The following SETDB1 variants were observed in gnomAD, a reference collection of about 807,000 sequenced individuals.
SETDB1 encodes histone-lysine N-methyltransferase SETDB1.
SETDB1 carries 31 observed loss-of-function variants against 137.4 expected under a neutral mutation model. The ratio of observed to expected loss-of-function variants is 0.23; its 90% CI spans 0.17 to 0.30. SETDB1 has a LOEUF of 0.30. SETDB1 is among the 10% of genes least tolerant of loss of function. SETDB1 has a pLI of 1.00. For missense variants in SETDB1, 1,113 were observed against 1,631.5 expected (o/e 0.68, Z 5.47); for synonymous variants, 548 against 579.9 (o/e 0.95, Z 0.79).
chr1:150,929,120 T>G (rs587759884), intron 2 of SETDB1, among the ~76,000 whole-genome samples: 149 of 152,276 alleles, frequency 9.8e-4, no homozygotes, highest in African/African-American at 3.4e-3. Flanking sequence ...GTAATGGGAT[T>G]GCTGGGTCAA....
rs1230275124 is a variant in SETDB1 at position 150,949,444 on chromosome 1, G to T, written c.1502G>T (p.Gly501Val). ...KSTSFRPGSV[G>V]SGHSSPTSPA... Reference sequence around the variant, plus strand: ...ACGTCCTTTCGACCAGGATCTGTGGGCTCTGGTCATTCCTCCCCTACATCT... The same window carrying T: ...ACGTCCTTTCGACCAGGATCTGTGGTCTCTGGTCATTCCTCCCCTACATCT... Residue 501 changes from glycine (G) to valine (V), a missense_variant, in exon 12 of 22, where the codon GGC (glycine) becomes GTC (valine). Gly to Val is a moderately radical substitution (Grantham distance 109, BLOSUM62 -3). This residue lies in a region of SETDB1 where 192 missense variants were observed against 198.1 expected (regional missense o/e 0.97). Transcript: ENST00000692827. 1.9e-6 allele frequency: 3 copies of T among 1,614,066 alleles called. No individual in the cohort carries two copies. The highest frequency in any genetic ancestry group is 2.5e-6 in the Non-Finnish European group (3 of 1,179,948).
intron 14 of SETDB1, among the ~76,000 whole-genome samples, chr1:150,958,736 T>C (rs1418264448): frequency 6.6e-6 from 1 of 152,082 alleles, no homozygotes; most frequent in Non-Finnish European, 1.5e-5. Flanking sequence ...ATTTTTATTA[T>C]TATTATTATT....
Position 150,931,621 on chromosome 1 carries a change from TTAAAAAA to T in SETDB1, c.412+1518_412+1524del, listed in dbSNP as rs587699708. Among the ~76,000 whole-genome samples the T allele has an allele frequency of 4.2e-3, 498 of 117,220 alleles. 4 individuals carry two copies. Among genetic ancestry groups the T allele is most frequent in the Admixed American group, 9.1e-3 (96 of 10,520 alleles). The allele number at this position is 117,220 out of a possible 152,430, so 76.9% of individuals were successfully genotyped here. On this transcript the variant is annotated intron_variant, in intron 3 of 21. Coordinates refer to ENST00000692827, the MANE Select transcript of SETDB1 (RefSeq NM_001366418.1). ...AAACTTAAAGTATAATAAAAAAAAA[TTAAAAAA>T]TAAAAAATAAAAAAAATAAAGATAA...
intron 3 of SETDB1, among the ~76,000 whole-genome samples, chr1:150,930,929 T>C (rs943558621): frequency 3.3e-5 from 5 of 152,102 alleles, no homozygotes; most frequent in Admixed American, 1.3e-4. Flanking sequence ...TCTTTTCTTA[T>C]TGTACTCACT....
Position 150,950,562 on chromosome 1 carries a change from C to T in SETDB1, c.1688C>T (p.Pro563Leu). The change falls in exon 13 of 22, where the codon CCC (proline) becomes CTC (leucine). Residue 563 changes from proline (P) to leucine (L), a missense_variant. Transcript: ENST00000692827. ...ATGCTGGAGCGGGCCCCAGCAGAGCCCTCCTACCGTGCTCCCATGGAGAAG... is the reference window on the plus strand; with the variant it reads ...ATGCTGGAGCGGGCCCCAGCAGAGCTCTCCTACCGTGCTCCCATGGAGAAG... The part of the protein sequence containing the change: ...HGMLERAPAE[P>L]SYRAPMEKLF... The T allele has an allele frequency of 6.2e-7, 1 of 1,614,158 alleles. No homozygotes were observed. Among genetic ancestry groups the T allele is most frequent in the Non-Finnish European group, 8.5e-7 (1 of 1,180,036 alleles).
At position 150,963,605 on chromosome 1, in the gene SETDB1, A is replaced by T; in HGVS notation, c.3536A>T (p.Lys1179Ile). ...ALKSTHGIAI[K>I]STNMASVDKG... Reference sequence around the variant, plus strand: ...AAATCAACCCATGGGATTGCAATTAAATCAACCAACATGGCCTCTGTGGAC... The same window carrying T: ...AAATCAACCCATGGGATTGCAATTATATCAACCAACATGGCCTCTGTGGAC... Residue 1179 changes from lysine (K) to isoleucine (I), a missense_variant, in exon 20 of 22, where the codon AAA becomes ATA. This residue lies in a region of SETDB1 where 373 missense variants were observed against 412.7 expected (regional missense o/e 0.90). Coordinates refer to ENST00000692827, the MANE Select transcript of SETDB1 (RefSeq NM_001366418.1). 6.2e-7 allele frequency: 1 copy of T among 1,614,212 alleles called. No homozygotes were observed. The highest frequency in any genetic ancestry group is 8.5e-7 in the Non-Finnish European group (1 of 1,180,038).
Position 150,942,958 on chromosome 1 carries a change from G to C in SETDB1, c.780G>C (p.Val260=), listed in dbSNP as rs1305038818. 6.2e-7 allele frequency: 1 copy of C among 1,613,718 alleles called. No individual in the cohort carries two copies. Among genetic ancestry groups the C allele is most frequent in the Non-Finnish European group, 8.5e-7 (1 of 1,179,732 alleles). The change falls in exon 7 of 22, where the codon GTG becomes GTC. Residue 260 remains valine (V), a synonymous_variant. Transcript: ENST00000692827. ...DYHPPADKLY[V]GSRVVAKYKD... ...ACCCTCCTGCTGACAAGCTGTATGT[G>C]GGCAGTCGGGTGGTCGCCAAATACA...
intron 8 of SETDB1, 34 bp from the exon 9 acceptor site, chr1:150,944,884 C>G: frequency 6.2e-7 from 1 of 1,611,194 alleles, no homozygotes; most frequent in Non-Finnish European, 8.5e-7. Flanking sequence ...CATGCCCTAC[C>G]TGCCCTCTCA....
At position 150,950,523 on chromosome 1, in the gene SETDB1, C is replaced by T; in HGVS notation, c.1649C>T (p.Pro550Leu). The T allele has an allele frequency of 6.2e-7, 1 of 1,613,884 alleles. No individual in the cohort carries two copies. The highest frequency in any genetic ancestry group is 1.1e-5 in the South Asian group (1 of 91,052). The change falls in exon 13 of 22, where the codon CCA (proline) becomes CTA (leucine). Residue 550 changes from proline (P) to leucine (L), a missense_variant. Physicochemically the swap from Pro to Leu is moderately conservative, Grantham distance 98. Around this residue, in one of 11 missense-constraint regions of SETDB1, gnomAD observed 192 missense variants for 198.1 expected, o/e 0.97. Transcript: ENST00000692827. ...GCACTCCCGGCCCCTCCAGCACCCC[C>T]AGTCTTCCATGGCATGCTGGAGCGG... ...PSALPAPPAP[P>L]VFHGMLERAP...
chr1:150,940,484 G>A (rs1670101228), intron 4 of SETDB1, among the ~76,000 whole-genome samples: 1 of 149,696 alleles, frequency 6.7e-6, no homozygotes, highest in Non-Finnish European at 1.5e-5. Flanking sequence ...AGGAGAATCA[G>A]TGGAACCCAG....
At position 150,950,898 on chromosome 1, in the gene SETDB1, A is replaced by G; in HGVS notation, c.2024A>G (p.Lys675Arg). Residue 675 changes from lysine (K) to arginine (R), a missense_variant, in exon 13 of 22, where the codon AAG becomes AGG. Physicochemically the swap from Lys to Arg is conservative, Grantham distance 26 (BLOSUM62 2). This residue lies in a region of SETDB1 where 55 missense variants were observed against 118.5 expected (regional missense o/e 0.46). Transcript: ENST00000692827. Reference sequence around the variant, plus strand: ...GTGGACCGAAAGTTTCAGCCCTATAAGCCTTTTTACTATATTTTGGACATC... The same window carrying G: ...GTGGACCGAAAGTTTCAGCCCTATAGGCCTTTTTACTATATTTTGGACATC... ...VLVDRKFQPY[K>R]PFYYILDITY... 1.2e-6 allele frequency: 2 copies of G among 1,614,036 alleles called. No homozygotes were observed. The highest frequency in any genetic ancestry group is 1.7e-6 in the Non-Finnish European group (2 of 1,179,998).
At position 150,944,902 on chromosome 1, in the gene SETDB1, T is replaced by C. The variant is rs758764922; in HGVS notation, c.950-16T>C. 5.6e-6 allele frequency: 9 copies of C among 1,613,724 alleles called. No homozygotes were observed. Among genetic ancestry groups the C allele is most frequent in the Non-Finnish European group, 7.6e-6 (9 of 1,179,834 alleles). On this transcript the variant is annotated splice_polypyrimidine_tract_variant and intron_variant, in intron 8 of 21. Coordinates refer to ENST00000692827, the MANE Select transcript of SETDB1 (RefSeq NM_001366418.1). The stretch of plus-strand genomic sequence containing the variant: ...GCCCTACCTGCCCTCTCAGTTCTAC[T>C]TCTTCCTTGAAACAGTGAAAAAGAC...
At chr1:150,942,253 A>G (rs2102689971) in intron 5 of SETDB1, among the ~76,000 whole-genome samples, 1 of 152,098 alleles carries the variant, frequency 6.6e-6, no homozygotes, top group African/African-American at 2.4e-5. Context: ...ATCCTGGCTA[A>G]CATGGTGAAA....
Position 150,960,521 on chromosome 1 carries a change from T to G in SETDB1, c.2504-42T>G, listed in dbSNP as rs200086884. ...GCAAACAAAAAAAAAAACTAATAGG[T>G]CCCCATAACCCTAGAAGGCCTTTAA... On this transcript the variant is annotated intron_variant, in intron 15 of 21. Coordinates refer to ENST00000692827, the MANE Select transcript of SETDB1 (RefSeq NM_001366418.1). The G allele has an allele frequency of 1.6e-3, 2,265 of 1,423,348 alleles. 5 individuals carry two copies. Among genetic ancestry groups the G allele is most frequent in the Non-Finnish European group, 1.9e-3 (1,985 of 1,061,534 alleles). The allele number at this position is 1,423,348 out of a possible 1,614,324, so 88.2% of individuals were successfully genotyped here. A position where few individuals can be genotyped will look rare whatever the true frequency, so the allele number is the denominator to read the frequency against.
intron 9 of SETDB1, chr1:150,945,309 T>C (rs1670291847): frequency 7.0e-7 from 1 of 1,438,496 alleles, no homozygotes; most frequent in African/African-American, 1.4e-5. Flanking sequence ...ATTATCTGAA[T>C]TATAATACGA....
chr1:150,941,491 A>G (rs1670148261), intron 5 of SETDB1, 63 bp downstream of exon 5: 1 of 995,296 alleles, frequency 1.0e-6, no homozygotes, highest in Admixed American at 1.9e-5. Flanking sequence ...TTTTGTCTTA[A>G]GTCTTATGTC....
At chr1:150,959,837 C>T (rs1335967905) in intron 15 of SETDB1, among the ~76,000 whole-genome samples, 4 of 152,064 alleles carry the variant, frequency 2.6e-5, no homozygotes, top group African/African-American at 9.7e-5. Context: ...TTTGGGAGGC[C>T]GAAGTGGGTG....
intron 2 of SETDB1, 104 bp downstream of exon 2, chr1:150,928,078 G>A (rs987311482): frequency 2.2e-6 from 3 of 1,384,620 alleles, no homozygotes; most frequent in Admixed American, 3.9e-5. Context: ...TATGTTTTGA[G>A]ACGGAGTCTC....
intron 15 of SETDB1, 70 bp downstream of exon 15, chr1:150,959,417 T>A (rs769262032): frequency 3.3e-5 from 43 of 1,322,580 alleles, no homozygotes; most frequent in Non-Finnish European, 4.6e-5. Flanking sequence ...AGAGACAAAT[T>A]GAACATAAGA....
Sources: gnomAD v4.1 joint callset for allele counts (sites outside exome capture counted in the v4.1 genomes callset) on GRCh38, gnomAD v4.1.1 for gene constraint, gnomAD v4.1.1 regional missense constraint, MANE v1.5 for transcripts, NCBI Gene and HGNC (gene_info 2026-07-23, HGNC 2026-07-21) for gene names.